Variants in SLC24A4 observed in about 807,000 individuals in gnomAD.
SLC24A4 encodes solute carrier family 24 member 4.
In SLC24A4, 53 loss-of-function variants were observed where a neutral mutation model predicts 79.0. The observed-to-expected ratio is 0.67, with a 90% CI of 0.54 to 0.84. The LOEUF (loss-of-function observed/expected upper bound fraction) is 0.84, where lower values mean the gene tolerates loss of function less well. Ranked by LOEUF, SLC24A4 falls within the 40% of genes least tolerant of loss-of-function variation. The pLI, the probability that SLC24A4 is intolerant of heterozygous loss-of-function variation, is 0.00. For missense variants in SLC24A4, 731 were observed against 822.0 expected (o/e 0.89, Z 1.35); for synonymous variants, 323 against 323.8 (o/e 1.00, Z 0.03).
intron 2 of SLC24A4, among the ~76,000 whole-genome samples, chr14:92,388,732 T>C (rs1011188631): frequency 6.6e-6 from 1 of 152,236 alleles, no homozygotes; most frequent in Non-Finnish European, 1.5e-5. Context: ...GTACCAGTTC[T>C]AGGTCATGAC....
At chr14:92,383,150 T>C (rs1888950223) in intron 2 of SLC24A4, among the ~76,000 whole-genome samples, 1 of 152,206 alleles carries the variant, frequency 6.6e-6, no homozygotes, top group Admixed American at 6.5e-5. Flanking sequence ...AGATGCGTTC[T>C]TCTCACAGTC....
chr14:92,412,486 C>CT lies in SLC24A4; in HGVS notation c.242-21425dup, dbSNP rs776455746. On this transcript the variant is annotated intron_variant, in intron 2 of 16. Transcript: ENST00000532405. Reference sequence around the variant, plus strand: ...TGAGTAGCCTACTGGTGTGATCTGGCTCTGATCTGCATTTGGTGGGACGCT... The same window carrying CT: ...TGAGTAGCCTACTGGTGTGATCTGGCTTCTGATCTGCATTTGGTGGGACGCT... Among the ~76,000 whole-genome samples the CT allele has an allele frequency of 9.8e-5, 15 of 152,304 alleles. No homozygotes were observed. In the East Asian group the frequency reaches 2.1e-3, roughly 22 times the overall value.
intron 2 of SLC24A4, among the ~76,000 whole-genome samples, chr14:92,391,632 A>G (rs546081748): frequency 4.5e-4 from 68 of 152,290 alleles, no homozygotes; most frequent in African/African-American, 1.6e-3. Flanking sequence ...CCACTCCCCC[A>G]TTGAGTCCCT....
In SLC24A4 at chr14:92,374,958, A is replaced by G. The variant is rs542492742; in HGVS notation, c.241+48980A>G. Reference sequence around the variant, plus strand: ...AACAGATTAAAGAGGCCATTTTTTCATTGCCTGGCGGCCTGCAAAATTATA... The same window carrying G: ...AACAGATTAAAGAGGCCATTTTTTCGTTGCCTGGCGGCCTGCAAAATTATA... On this transcript the variant is annotated intron_variant, in intron 2 of 16. Transcript: ENST00000532405. Among the ~76,000 whole-genome samples the G allele has an allele frequency of 2.0e-4, 31 of 152,310 alleles. No homozygotes were observed. The South Asian group carries it at 6.4e-3, about 32-fold the overall frequency.
At chr14:92,336,546 C>A (rs1198261213) in intron 2 of SLC24A4, among the ~76,000 whole-genome samples, 1 of 152,156 alleles carries the variant, frequency 6.6e-6, no homozygotes, top group Non-Finnish European at 1.5e-5. Flanking sequence ...TGGCTCCAGC[C>A]CTGAGTCTCC....
At chr14:92,390,737 G>A (rs189367081) in intron 2 of SLC24A4, among the ~76,000 whole-genome samples, 7 of 152,152 alleles carry the variant, frequency 4.6e-5, no homozygotes, top group African/African-American at 1.7e-4. Flanking sequence ...AAAGTGGCAC[G>A]GGCACCAGGC....
intron 2 of SLC24A4, among the ~76,000 whole-genome samples, chr14:92,423,411 C>T (rs1026934456): frequency 2.6e-5 from 4 of 152,192 alleles, no homozygotes; most frequent in Admixed American, 6.5e-5. Context: ...TTTCAAAGTG[C>T]GGCCTCCTAA....
chr14:92,442,692 G>T (rs761900492), intron 5 of SLC24A4, 21 bp from the exon 6 acceptor site: 1 of 1,568,868 alleles, frequency 6.4e-7, no homozygotes, highest in Non-Finnish European at 8.8e-7. Context: ...GAGGCCCAGG[G>T]TCTGTGTGTT....
At chr14:92,347,249 T>C (rs1480972679) in intron 2 of SLC24A4, among the ~76,000 whole-genome samples, 1 of 152,210 alleles carries the variant, frequency 6.6e-6, no homozygotes, top group Non-Finnish European at 1.5e-5. Context: ...CCATTCAGTG[T>C]CCCACATTGG....
At position 92,364,644 on chromosome 14, in the gene SLC24A4, A is replaced by G. The variant is rs1887721370; in HGVS notation, c.241+38666A>G. 1.3e-5 allele frequency among the ~76,000 whole-genome samples: 2 copies of G among 152,124 alleles called. 1 individual carries two copies. Among genetic ancestry groups the G allele is most frequent in the South Asian group, 4.1e-4 (2 of 4,826 alleles). ...CCCGTGGTGGGTGGGAGGGAGGCAC[A>G]GCCTCTGTCCCTCTGCCTGCTGCAC... On this transcript the variant is annotated intron_variant, in intron 2 of 16. Coordinates refer to ENST00000532405, the MANE Select transcript of SLC24A4 (RefSeq NM_153646.4).
chr14:92,462,982 T>C (rs773816446), intron 12 of SLC24A4, among the ~76,000 whole-genome samples: 4 of 152,204 alleles, frequency 2.6e-5, no homozygotes, highest in Non-Finnish European at 4.4e-5. Context: ...TCTGGGATGC[T>C]AGTCTTCTAG....
chr14:92,415,870 C>T (rs1890955824), intron 2 of SLC24A4, among the ~76,000 whole-genome samples: 1 of 151,846 alleles, frequency 6.6e-6, no homozygotes, highest in Non-Finnish European at 1.5e-5. Flanking sequence ...GCACCCATCA[C>T]CCAAGCAGTA....
At chr14:92,355,593 A>G (rs1382116881) in intron 2 of SLC24A4, among the ~76,000 whole-genome samples, 1 of 152,046 alleles carries the variant, frequency 6.6e-6, no homozygotes, top group Non-Finnish European at 1.5e-5. Flanking sequence ...TCTTTGCCTA[A>G]ATACTAGAAG....
intron 12 of SLC24A4, among the ~76,000 whole-genome samples, chr14:92,479,655 G>T (rs879896397): frequency 3.3e-5 from 5 of 152,144 alleles, no homozygotes; most frequent in Non-Finnish European, 7.3e-5. Context: ...AGGGATATTG[G>T]TCTGTAATTT....
At chr14:92,359,047 G>A (rs560649083) in intron 2 of SLC24A4, among the ~76,000 whole-genome samples, 89 of 152,160 alleles carry the variant, frequency 5.8e-4, no homozygotes, top group African/African-American at 2.0e-3. Context: ...CATTTCTAAC[G>A]GATTCTAGGG....
chr14:92,427,607 G>C (rs1283441758), intron 2 of SLC24A4, among the ~76,000 whole-genome samples: 1 of 152,226 alleles, frequency 6.6e-6, no homozygotes, highest in Non-Finnish European at 1.5e-5. Flanking sequence ...ATCAGCAGTA[G>C]GATTGCCAGG....
intron 2 of SLC24A4, among the ~76,000 whole-genome samples, chr14:92,420,013 A>G (rs1891190063): frequency 6.6e-6 from 1 of 152,170 alleles, no homozygotes; most frequent in Admixed American, 6.5e-5. Context: ...AGGCCAGATA[A>G]AGACAGGGGC....
intron 2 of SLC24A4, among the ~76,000 whole-genome samples, chr14:92,359,506 G>C (rs1415912064): frequency 6.6e-6 from 1 of 152,124 alleles, no homozygotes; most frequent in Non-Finnish European, 1.5e-5. Context: ...GGCTGAGGCA[G>C]GAGAATCGCG....
chr14:92,387,330 C>G (rs957447486), intron 2 of SLC24A4, among the ~76,000 whole-genome samples: 11 of 152,078 alleles, frequency 7.2e-5, no homozygotes, highest in Non-Finnish European at 1.3e-4. Context: ...GCACCCACCA[C>G]CACGCCCGGC....
Sources: allele counts gnomAD v4.1 joint callset (sites outside exome capture counted in the v4.1 genomes callset), GRCh38; gene constraint gnomAD v4.1.1; transcripts MANE v1.5; gene names NCBI Gene and HGNC (gene_info 2026-07-23, HGNC 2026-07-21).